Variants in VPS13B observed in about 807,000 individuals in gnomAD.
VPS13B encodes vacuolar protein sorting 13 homolog B.
In VPS13B, 285 loss-of-function variants were observed where a neutral mutation model predicts 426.4. That is an observed-to-expected ratio of 0.67 (90% CI 0.61 to 0.74). The LOEUF (loss-of-function observed/expected upper bound fraction) is 0.74. Ranked by LOEUF, VPS13B falls within the 30% of genes least tolerant of loss-of-function variation. The pLI is 0.00. For synonymous variants in VPS13B, 1,676 were observed against 1,676.4 expected, an observed-to-expected ratio of 1.00 and a Z score of 0.01; for missense variants, 4,537 against 4,782.6, an observed-to-expected ratio of 0.95 and a Z score of 1.51.
chr8:99,393,640 A>G (rs1346644001), intron 21 of VPS13B, among the ~76,000 whole-genome samples: 1 of 152,118 alleles, frequency 6.6e-6, no homozygotes, highest in East Asian at 1.9e-4. Context: ...ATTAATAGGC[A>G]TCCAACTAAT....
intron 14 of VPS13B, among the ~76,000 whole-genome samples, chr8:99,153,497 T>C (rs1811185891): frequency 6.6e-6 from 1 of 152,170 alleles, no homozygotes; most frequent in Non-Finnish European, 1.5e-5. Flanking sequence ...TGTCCTAGAA[T>C]TTGCATTATA....
intron 19 of VPS13B, among the ~76,000 whole-genome samples, chr8:99,365,917 T>G (rs191943528): frequency 8.3e-4 from 126 of 152,202 alleles, no homozygotes; most frequent in Non-Finnish European, 3.5e-4. Context: ...TGATTTGTAG[T>G]TTTATTCCAC....
chr8:99,445,436 G>C (rs1378591045), intron 23 of VPS13B, among the ~76,000 whole-genome samples: 1 of 149,616 alleles, frequency 6.7e-6, no homozygotes, highest in Non-Finnish European at 1.5e-5. Flanking sequence ...CTGCACTCCA[G>C]CCTAGGCAAC....
Position 99,187,028 on chromosome 8 carries a change from A to G in VPS13B, c.2334-5848A>G, listed in dbSNP as rs888539263. Among the ~76,000 whole-genome samples, 13 of 152,182 alleles carry G rather than the reference A, an allele frequency of 8.5e-5. No homozygotes were observed. In the East Asian group the frequency reaches 2.3e-3, roughly 27 times the overall value. On this transcript the variant is annotated intron_variant, in intron 16 of 61. Transcript: ENST00000357162. ...CTTGTAAAAAAAATGAATCCCATCT[A>G]TAATATTGCCATACAAATACTTACT...
intron 23 of VPS13B, among the ~76,000 whole-genome samples, chr8:99,460,528 C>T (rs954113061): frequency 6.6e-6 from 1 of 151,962 alleles, no homozygotes; most frequent in African/African-American, 2.4e-5. Context: ...TTCATATAAC[C>T]CACATATTTG....
chr8:99,749,966 C>T (rs940990466), intron 39 of VPS13B, among the ~76,000 whole-genome samples: 4 of 152,164 alleles, frequency 2.6e-5, no homozygotes, highest in African/African-American at 9.6e-5. Context: ...ACGTATTATA[C>T]ACATAATGAA....
chr8:99,790,639 T>C (rs550997571), intron 43 of VPS13B, among the ~76,000 whole-genome samples: 37 of 152,238 alleles, frequency 2.4e-4, no homozygotes, highest in Admixed American at 1.2e-3. Context: ...CATCTGGATA[T>C]GAACAAAGTC....
At chr8:99,014,647 C>A (rs1841516749) in intron 2 of VPS13B, among the ~76,000 whole-genome samples, 1 of 148,068 alleles carries the variant, frequency 6.8e-6, no homozygotes, top group South Asian at 2.1e-4. Context: ...GGTTTGAAAG[C>A]CAGCAGGAAG....
At chr8:99,780,039 T>A (rs1811934540) in intron 42 of VPS13B, among the ~76,000 whole-genome samples, 1 of 152,168 alleles carries the variant, frequency 6.6e-6, no homozygotes, top group Non-Finnish European at 1.5e-5. Context: ...ACCAAGGAAT[T>A]AATTACCTAA....
chr8:99,786,821 C>A (rs1812294063), intron 43 of VPS13B, among the ~76,000 whole-genome samples: 1 of 152,036 alleles, frequency 6.6e-6, no homozygotes, highest in Non-Finnish European at 1.5e-5. Context: ...GGTTTTAGGA[C>A]CCTCTGAAGC....
At chr8:99,795,798 G>A (rs985254564) in intron 43 of VPS13B, among the ~76,000 whole-genome samples, 10 of 152,196 alleles carry the variant, frequency 6.6e-5, no homozygotes, top group South Asian at 6.2e-4. Flanking sequence ...AGAGTTGCTC[G>A]AGTAATCTCA....
intron 19 of VPS13B, among the ~76,000 whole-genome samples, chr8:99,374,386 T>C (rs1388404231): frequency 6.6e-6 from 1 of 152,062 alleles, no homozygotes; most frequent in East Asian, 1.9e-4. Context: ...TTATACTTTC[T>C]CTCTGCTAAA....
intron 43 of VPS13B, among the ~76,000 whole-genome samples, chr8:99,802,105 G>A (rs555719040): frequency 1.3e-5 from 2 of 151,506 alleles, no homozygotes; most frequent in African/African-American, 2.4e-5. Context: ...AGTCATGATC[G>A]TGCCACTACA....
chr8:99,211,932 A>G (rs1183769477), intron 17 of VPS13B, among the ~76,000 whole-genome samples: 2 of 151,924 alleles, frequency 1.3e-5, no homozygotes, highest in Non-Finnish European at 2.9e-5. Flanking sequence ...TTACTCTGTC[A>G]CCCAAACTGG....
chr8:99,727,891 G>A (rs1388422042), intron 39 of VPS13B, among the ~76,000 whole-genome samples: 4 of 152,190 alleles, frequency 2.6e-5, no homozygotes, highest in Non-Finnish European at 5.9e-5. Flanking sequence ...CTAAGAGTCT[G>A]GTTCACCTGG....
chr8:99,630,352 C>CT (rs1157753962), intron 33 of VPS13B, among the ~76,000 whole-genome samples: 1 of 151,892 alleles, frequency 6.6e-6, no homozygotes, highest in Non-Finnish European at 1.5e-5. Context: ...TCTTTTGTGT[C>CT]TTTTTTGTGT....
At chr8:99,612,127 G>C (rs1204702008) in intron 33 of VPS13B, among the ~76,000 whole-genome samples, 2 of 152,096 alleles carry the variant, frequency 1.3e-5, no homozygotes, top group African/African-American at 4.8e-5. Flanking sequence ...TATGTCTAAA[G>C]TACGGCTGTG....
At chr8:99,252,757 T>A (rs1323893270) in intron 17 of VPS13B, among the ~76,000 whole-genome samples, 1 of 152,098 alleles carries the variant, frequency 6.6e-6, no homozygotes, top group African/African-American at 2.4e-5. Context: ...GATTGGCTCT[T>A]ATAATTTTTT....
chr8:99,661,874 G>GAT (rs553116934), intron 35 of VPS13B, among the ~76,000 whole-genome samples: 75 of 152,064 alleles, frequency 4.9e-4, no homozygotes, highest in African/African-American at 1.6e-3. Flanking sequence ...TAGGAAACAT[G>GAT]ATATATATAT....
Sources: allele counts gnomAD v4.1 joint callset (sites outside exome capture counted in the v4.1 genomes callset), GRCh38; gene constraint gnomAD v4.1.1; transcripts MANE v1.5; gene names NCBI Gene and HGNC (gene_info 2026-07-23, HGNC 2026-07-21).